COL6A5: variants seen among roughly 807,000 people sequenced by gnomAD.
COL6A5 encodes the protein collagen type VI alpha 5 chain, also known as collagen alpha-5(VI) chain.
COL6A5 carries 48 observed loss-of-function variants against 65.6 expected under a neutral mutation model. The observed-to-expected ratio is 0.73, with a 90% confidence interval of 0.58 to 0.93. The LOEUF is 0.93. COL6A5 is among the 40% of genes least tolerant of loss of function. The pLI, the probability that COL6A5 is intolerant of heterozygous loss-of-function variation, is 0.00. For missense variants in COL6A5, 914 were observed against 928.3 expected, an observed-to-expected ratio of 0.98 and a Z score of 0.20; for synonymous variants, 291 against 322.8, an observed-to-expected ratio of 0.90 and a Z score of 1.05.
At chr3:130,350,482 G>A (rs1934661402) in intron 1 of COL6A5, among the ~76,000 whole-genome samples, 1 of 152,178 alleles carries the variant, frequency 6.6e-6, no homozygotes, top group African/African-American at 2.4e-5. Context: ...CAAAATCAAT[G>A]TGCAAAAATC....
rs1037460484 is a variant in COL6A5, at chr3:130,405,552, A to T, written c.4282-36A>T. On this transcript the variant is annotated intron_variant and NMD_transcript_variant, in intron 13 of 41. Transcript: ENST00000312481. The stretch of plus-strand genomic sequence containing the variant: ...ACCACTGGCAGCTTCTGGCAAAAAC[A>T]TCACTTTGGGTACCTGTCTGTGCTC... 6 of 1,508,280 alleles carry T rather than the reference A, an allele frequency of 4.0e-6. No individual in the cohort carries two copies. The African/African-American group carries it at 8.3e-5, about 21-fold the overall frequency. The allele number at this position is 1,508,280 out of a possible 1,614,324, so 93.4% of individuals were successfully genotyped here. A position where few individuals can be genotyped will look rare whatever the true frequency, so the allele number is the denominator to read the frequency against.
At chr3:130,451,454 GAGTGGATGGTAA>G (rs1250084037) in intron 4 of COL6A5, among the ~76,000 whole-genome samples, 10 of 152,110 alleles carry the variant, frequency 6.6e-5, no homozygotes, top group Non-Finnish European at 1.3e-4. Context: ...GAAGCAGGCT[GAGTGGATGGTAA>G]AGTGACCGGT....
chr3:130,465,671 A>G (rs1423555952), intron 5 of COL6A5, among the ~76,000 whole-genome samples: 1 of 152,110 alleles, frequency 6.6e-6, no homozygotes, highest in African/African-American at 2.4e-5. Flanking sequence ...TTCACACTTA[A>G]CAAGGAAAAT....
intron 7 of COL6A5, chr3:130,471,776 A>G: frequency 1.3e-6 from 2 of 1,534,848 alleles, no homozygotes; most frequent in Non-Finnish European, 1.7e-6. Flanking sequence ...ATTAGGGAAC[A>G]ATCATAGTAG....
Position 130,357,971 on chromosome 3 carries a change from C to T in COL6A5, c.-29+11990C>T, listed in dbSNP as rs543246909. Among the ~76,000 whole-genome samples, 5 of 152,094 alleles carry T rather than the reference C, an allele frequency of 3.3e-5. No homozygotes were observed. In the East Asian group the frequency reaches 7.7e-4, roughly 24 times the overall value. ...TTCGGAGCCTGAGGCGGGCGGATCA[C>T]GAGGTCAGGTGATCGAGACCATCCT... On this transcript the variant is annotated intron_variant and NMD_transcript_variant, in intron 1 of 41. Coordinates refer to the COL6A5 transcript ENST00000312481.
At chr3:130,480,850 T>A (rs1189523835) in intron 7 of COL6A5, among the ~76,000 whole-genome samples, 2 of 152,056 alleles carry the variant, frequency 1.3e-5, no homozygotes. Context: ...TGTGAGTTAC[T>A]GAGGGAGTGC....
exon 8 of COL6A5, chr3:130,484,681 C>G (rs1014775547): frequency 2.5e-5 from 9 of 360,614 alleles, no homozygotes; most frequent in Non-Finnish European, 3.3e-5. Context: ...ATATTTTTTG[C>G]TGTAATCTTT....
chr3:130,403,751 TC>T (rs1187330743), intron 13 of COL6A5, 89 bp downstream of exon 13: 63 of 1,037,258 alleles, frequency 6.1e-5, no homozygotes, highest in Admixed American at 2.7e-4. Flanking sequence ...ATTTTCTTTT[TC>T]ATAAAAAAAG....
chr3:130,408,825 T>A (rs1453838349), intron 17 of COL6A5, among the ~76,000 whole-genome samples: 1 of 152,224 alleles, frequency 6.6e-6, no homozygotes, highest in Non-Finnish European at 1.5e-5. Flanking sequence ...TGGGGGCTGG[T>A]TCCCCCGATA....
intron 4 of COL6A5, among the ~76,000 whole-genome samples, chr3:130,448,757 G>T (rs1403349274): frequency 1.3e-5 from 2 of 152,200 alleles, no homozygotes; most frequent in African/African-American, 2.4e-5. Context: ...AGATTGTAAG[G>T]CTATTTAGCA....
intron 1 of COL6A5, among the ~76,000 whole-genome samples, chr3:130,353,441 G>A (rs1934794855): frequency 6.6e-6 from 1 of 152,212 alleles, no homozygotes; most frequent in South Asian, 2.1e-4. Context: ...AGACAACACA[G>A]TTCTGTAAAT....
chr3:130,376,208 T>C, intron 2 of COL6A5, 29 bp from the exon 3 acceptor site: 1 of 1,537,314 alleles, frequency 6.5e-7, no homozygotes, highest in Non-Finnish European at 8.7e-7. Context: ...ATGATAACTT[T>C]GTTTTTGCTT....
At position 130,365,273 on chromosome 3, in the gene COL6A5, TTTGTTTTG is replaced by T. The variant is rs1168812357; in HGVS notation, c.-28-8335_-28-8328del. ...TCAACAGATGTCTCCTTTAAGATGT[TTTGTTTTG>T]TTTTGTTTTGTTTTGAGACGGAGTC... On this transcript the variant is annotated intron_variant and NMD_transcript_variant, in intron 1 of 41. Transcript: ENST00000312481. Among the ~76,000 whole-genome samples the T allele has an allele frequency of 9.4e-5, 14 of 148,948 alleles. 1 individual carries two copies. The South Asian group carries it at 2.9e-3, about 31-fold the overall frequency.
Position 130,417,600 on chromosome 3 carries a change from C to T in COL6A5, c.4887+781C>T, listed in dbSNP as rs186846094. ...GATGGGTGGCATCAGAACTCAAATC[C>T]GTTGGTGCATGTGGTTCTCGAACCA... On this transcript the variant is annotated intron_variant and NMD_transcript_variant, in intron 24 of 41. Coordinates refer to the COL6A5 transcript ENST00000312481. Among the ~76,000 whole-genome samples, 12 of 152,182 alleles carry T rather than the reference C, an allele frequency of 7.9e-5. No individual in the cohort carries two copies. The East Asian group carries it at 1.7e-3, about 22-fold the overall frequency.
At chr3:130,423,512 T>A (rs1030027303) in intron 28 of COL6A5, among the ~76,000 whole-genome samples, 1 of 152,198 alleles carries the variant, frequency 6.6e-6, no homozygotes, top group Admixed American at 6.5e-5. Flanking sequence ...CTTTTACAGA[T>A]GGGAGGTTTC....
At chr3:130,478,997 A>C (rs1443232737) in intron 7 of COL6A5, among the ~76,000 whole-genome samples, 1 of 152,076 alleles carries the variant, frequency 6.6e-6, no homozygotes, top group East Asian at 1.9e-4. Flanking sequence ...CCATGAGAAC[A>C]AACAGAATGT....
chr3:130,433,759 G>A lies in COL6A5; in HGVS notation c.487+1810G>A, dbSNP rs532080913. Among the ~76,000 whole-genome samples the A allele has an allele frequency of 5.9e-5, 9 of 152,218 alleles. No homozygotes were observed. In the East Asian group the frequency reaches 1.3e-3, roughly 23 times the overall value. ...CTATTGAGCTTTTTAAATGTTTGCC[G>A]ATTGGGTAGGTAAATAAGAGTTTCT... On this transcript the variant is annotated intron_variant, in intron 1 of 7. Coordinates refer to ENST00000512836, the Ensembl canonical transcript of COL6A5.
At chr3:130,439,595 G>A (rs527314747) in exon 2 of COL6A5, 66 of 1,551,014 alleles carry the variant, frequency 4.3e-5, no homozygotes, top group African/African-American at 6.8e-5. Flanking sequence ...GAAAGACTTC[G>A]GCGCTGTGCA....
upstream of COL6A5, chr3:130,431,427 G>A (rs1937801074): frequency 1.9e-5 from 29 of 1,546,000 alleles, no homozygotes; most frequent in Non-Finnish European, 2.3e-5. Flanking sequence ...TTTTGATCCA[G>A]TGAAATAACT....
Sources: gnomAD v4.1 joint callset for allele counts (sites outside exome capture counted in the v4.1 genomes callset) on GRCh38, gnomAD v4.1.1 for gene constraint, MANE v1.5 for transcripts, NCBI Gene and HGNC (gene_info 2026-07-23, HGNC 2026-07-21) for gene names.